CSMD3: variants seen among roughly 807,000 people sequenced by gnomAD.
CSMD3 encodes the protein CUB and sushi domain-containing protein 3.
A neutral mutation model predicts 435.2 loss-of-function variants in CSMD3; 177 were observed. That is an observed-to-expected ratio of 0.41 (90% CI 0.36 to 0.46). The LOEUF (loss-of-function observed/expected upper bound fraction) is 0.46. Ranked by LOEUF, CSMD3 falls within the 20% of genes least tolerant of loss-of-function variation. The pLI is 0.34. For missense variants in CSMD3, 4,265 were observed against 4,504.6 expected (o/e 0.95, Z 1.52); for synonymous variants, 1,656 against 1,520.5 (o/e 1.09, Z -2.07).
chr8:112,491,596 C>G (rs557068309), intron 31 of CSMD3, among the ~76,000 whole-genome samples: 1 of 152,180 alleles, frequency 6.6e-6, no homozygotes, highest in South Asian at 2.1e-4. Context: ...TTGCAGTGAG[C>G]CCGGATCACG....
chr8:113,332,315 A>AG (rs1489301008), intron 1 of CSMD3, among the ~76,000 whole-genome samples: 1 of 151,436 alleles, frequency 6.6e-6, no homozygotes, highest in African/African-American at 2.4e-5. Flanking sequence ...TTAAAAAAAA[A>AG]AAAAAAAGAT....
chr8:113,355,720 T>TATATATATATATATATA (rs1563737793), intron 1 of CSMD3, among the ~76,000 whole-genome samples: 1 of 72,476 alleles, frequency 1.4e-5, no homozygotes, highest in African/African-American at 5.5e-5. Context: ...AAAGTTTTAT[T>TATATATATATATATATA]TTTATATATA....
intron 10 of CSMD3, among the ~76,000 whole-genome samples, chr8:112,877,068 T>C (rs2081304094): frequency 6.6e-6 from 1 of 152,052 alleles, no homozygotes; most frequent in Non-Finnish European, 1.5e-5. Flanking sequence ...GAAGGATCTC[T>C]TCAAGGAGAA....
intron 51 of CSMD3, 109 bp from the exon 52 acceptor site, chr8:112,305,024 G>C: frequency 1.3e-6 from 1 of 797,464 alleles, no homozygotes; most frequent in South Asian, 1.5e-5. Flanking sequence ...CACTATACAA[G>C]GTCCTTTAGC....
intron 41 of CSMD3, among the ~76,000 whole-genome samples, chr8:112,343,375 T>C (rs1240392980): frequency 6.6e-6 from 1 of 152,182 alleles, no homozygotes; most frequent in African/African-American, 2.4e-5. Flanking sequence ...AGAAGTTCAC[T>C]ACAACTTCGA....
chr8:112,315,694 T>TCA, intron 47 of CSMD3, among the ~76,000 whole-genome samples: 1 of 152,004 alleles, frequency 6.6e-6, no homozygotes, highest in East Asian at 1.9e-4. Flanking sequence ...ATCTTTTGGG[T>TCA]GTTCTTACTG....
intron 1 of CSMD3, among the ~76,000 whole-genome samples, chr8:113,315,558 G>T (rs1294132854): frequency 6.7e-6 from 1 of 149,418 alleles, no homozygotes; most frequent in African/African-American, 2.5e-5. Flanking sequence ...TATTTCTTCA[G>T]CAATTTGTCT....
intron 31 of CSMD3, among the ~76,000 whole-genome samples, chr8:112,477,750 G>C (rs1207028015): frequency 1.3e-5 from 2 of 152,104 alleles, no homozygotes; most frequent in Non-Finnish European, 2.9e-5. Context: ...AAATCCACGA[G>C]CCAATTAAAT....
chr8:112,259,644 TA>T, intron 61 of CSMD3, among the ~76,000 whole-genome samples: 1 of 152,084 alleles, frequency 6.6e-6, no homozygotes, highest in South Asian at 2.1e-4. Context: ...GTAACACAAG[TA>T]TAATAATAGC....
intron 45 of CSMD3, among the ~76,000 whole-genome samples, chr8:112,327,363 C>T (rs1347722712): frequency 6.6e-6 from 1 of 152,074 alleles, no homozygotes; most frequent in Non-Finnish European, 1.5e-5. Flanking sequence ...ATCATTTCTC[C>T]TAGACTCTTT....
chr8:113,032,995 G>A (rs761516846), intron 5 of CSMD3, among the ~76,000 whole-genome samples: 3 of 151,602 alleles, frequency 2.0e-5, no homozygotes, highest in African/African-American at 4.8e-5. Flanking sequence ...TGGCTTCCAC[G>A]TGGTATTGGG....
At chr8:113,036,673 A>AG (rs1304801671) in intron 5 of CSMD3, among the ~76,000 whole-genome samples, 1 of 152,096 alleles carries the variant, frequency 6.6e-6, no homozygotes, top group Non-Finnish European at 1.5e-5. Flanking sequence ...AAAGAAACAA[A>AG]GAAAAACATA....
chr8:112,710,739 T>C (rs1423200492), intron 13 of CSMD3, among the ~76,000 whole-genome samples: 2 of 151,342 alleles, frequency 1.3e-5, no homozygotes, highest in Non-Finnish European at 2.9e-5. Context: ...TAAAAAATTA[T>C]AATTTCTTGT....
chr8:112,641,826 G>C (rs1289603989), intron 20 of CSMD3, among the ~76,000 whole-genome samples: 1 of 151,568 alleles, frequency 6.6e-6, no homozygotes, highest in African/African-American at 2.4e-5. Flanking sequence ...CCCATCTCAG[G>C]AAAAACATAA....
At chr8:112,294,477 G>A (rs1245111673) in intron 54 of CSMD3, among the ~76,000 whole-genome samples, 1 of 152,090 alleles carries the variant, frequency 6.6e-6, no homozygotes, top group Non-Finnish European at 1.5e-5. Flanking sequence ...TAAGAAAAAT[G>A]TAGTTGACTT....
intron 3 of CSMD3, among the ~76,000 whole-genome samples, chr8:113,246,116 T>G (rs1344676322): frequency 3.3e-5 from 5 of 152,000 alleles, no homozygotes; most frequent in African/African-American, 1.2e-4. Flanking sequence ...AGATTAAGAT[T>G]CTTAATAGAA....
intron 22 of CSMD3, among the ~76,000 whole-genome samples, chr8:112,595,048 C>G (rs1293631207): frequency 3.9e-5 from 6 of 151,972 alleles, no homozygotes; most frequent in African/African-American, 1.5e-4. Flanking sequence ...AAGAAGGCTT[C>G]AGATGATCAA....
chr8:113,218,840 TAATG>T (rs1194038040), intron 3 of CSMD3, among the ~76,000 whole-genome samples: 2 of 151,288 alleles, frequency 1.3e-5, no homozygotes, highest in African/African-American at 4.8e-5. Context: ...TGCATATAAA[TAATG>T]AGATATCTTG....
At chr8:113,018,530 A>C (rs1049562726) in intron 6 of CSMD3, among the ~76,000 whole-genome samples, 1 of 152,166 alleles carries the variant, frequency 6.6e-6, no homozygotes, top group African/African-American at 2.4e-5. Flanking sequence ...TAGAAGCTAC[A>C]TTTTCATTAG....
Sources: allele counts gnomAD v4.1 joint callset (sites outside exome capture counted in the v4.1 genomes callset), GRCh38; gene constraint gnomAD v4.1.1; transcripts MANE v1.5; gene names NCBI Gene and HGNC (gene_info 2026-07-23, HGNC 2026-07-21).